Variants in DROSHA observed in about 807,000 individuals in gnomAD.
DROSHA encodes the protein ribonuclease 3.
Under a neutral mutation model 181.9 loss-of-function variants are expected in DROSHA, and 56 were observed. The observed-to-expected ratio is 0.31, with a 90% confidence interval of 0.25 to 0.38. DROSHA has a LOEUF of 0.38. Among genes scored for constraint, DROSHA ranks in the 10% least tolerant of loss-of-function variants. The probability of loss-of-function intolerance (pLI) is 1.00; values close to 1 mark genes in which losing one functional copy is unlikely to be tolerated. For missense variants in DROSHA, 1,218 were observed against 1,743.5 expected (o/e 0.70, Z 5.37); for synonymous variants, 524 against 591.2 (o/e 0.89, Z 1.65).
chr5:31,503,738 G>A (rs1280571628), intron 11 of DROSHA, among the ~76,000 whole-genome samples: 1 of 152,154 alleles, frequency 6.6e-6, no homozygotes, highest in Non-Finnish European at 1.5e-5. Context: ...CCAACCTGAG[G>A]CATGTGCACA....
At chr5:31,449,809 A>G (rs1048050552) in intron 21 of DROSHA, among the ~76,000 whole-genome samples, 1 of 152,298 alleles carries the variant, frequency 6.6e-6, no homozygotes, top group African/African-American at 2.4e-5. Flanking sequence ...GGAGCTGTCT[A>G]TCCAGTTGAA....
At chr5:31,418,633 G>A (rs1742264408) in intron 30 of DROSHA, among the ~76,000 whole-genome samples, 1 of 152,274 alleles carries the variant, frequency 6.6e-6, no homozygotes, top group Non-Finnish European at 1.5e-5. Flanking sequence ...AAGGCAGCTA[G>A]GGAGGATGTG....
chr5:31,437,342 A>G, intron 23 of DROSHA, 44 bp from the exon 24 acceptor site: 1 of 1,504,228 alleles, frequency 6.6e-7, no homozygotes, highest in Non-Finnish European at 9.0e-7. Flanking sequence ...GCATATTAAC[A>G]CTCCCCCCCA....
rs558851359 is a variant in DROSHA, at chr5:31,524,756, G to A, written c.854+1323C>T. 2.0e-5 allele frequency among the ~76,000 whole-genome samples: 3 copies of A among 152,234 alleles called. No homozygotes were observed. The South Asian group carries it at 6.2e-4, about 32-fold the overall frequency. ...AAGCCCAGCTAGAATCCCAGTTTTAGAAATGCCTCCTTGAAACATTATTTC... is the reference window on the plus strand; with the variant it reads ...AAGCCCAGCTAGAATCCCAGTTTTAAAAATGCCTCCTTGAAACATTATTTC... On this transcript the variant is annotated intron_variant, in intron 5 of 35. Transcript: ENST00000344624.
At chr5:31,406,065 GAAT>G (rs1561108628) in intron 34 of DROSHA, among the ~76,000 whole-genome samples, 2 of 150,780 alleles carry the variant, frequency 1.3e-5, no homozygotes, top group African/African-American at 4.9e-5. Context: ...AAGAGGAAAA[GAAT>G]AAAAAAAAAT....
intron 13 of DROSHA, among the ~76,000 whole-genome samples, chr5:31,490,864 G>A (rs1281247890): frequency 6.6e-6 from 1 of 151,982 alleles, no homozygotes; most frequent in Non-Finnish European, 1.5e-5. Flanking sequence ...ACAAATGATA[G>A]GGTTTGTCAT....
rs141220638 is a variant in DROSHA at position 31,452,481 on chromosome 5, CAT to C, written c.2575-843_2575-842del. On this transcript the variant is annotated intron_variant, in intron 20 of 35. Transcript: ENST00000344624. ...TATTGGGAGATAATTTCATGGAAGT[CAT>C]ATCTTTTTCTTTTCCTTAATACTAT... Among the ~76,000 whole-genome samples the C allele has an allele frequency of 4.0e-3, 608 of 152,228 alleles. 4 individuals carry two copies. The highest frequency in any genetic ancestry group is 0.014 in the African/African-American group (581 of 41,546).
At chr5:31,523,732 T>C (rs1214014483) in intron 5 of DROSHA, among the ~76,000 whole-genome samples, 2 of 152,054 alleles carry the variant, frequency 1.3e-5, no homozygotes, top group Non-Finnish European at 2.9e-5. Context: ...CCCAGCACTT[T>C]AGGAGGCTGA....
At chr5:31,463,810 A>G (rs1748700711) in intron 20 of DROSHA, among the ~76,000 whole-genome samples, 1 of 152,198 alleles carries the variant, frequency 6.6e-6, no homozygotes, top group South Asian at 2.1e-4. Flanking sequence ...TCTCTGCAAT[A>G]TAAATTGCAA....
intron 27 of DROSHA, among the ~76,000 whole-genome samples, chr5:31,427,847 G>T (rs181403093): frequency 1.3e-5 from 2 of 152,280 alleles, no homozygotes; most frequent in East Asian, 3.9e-4. Context: ...ACAACTAATA[G>T]GTGGAAACCA....
rs781442573 is a variant in DROSHA, at chr5:31,511,215, A to G, written c.1291-39T>C. 4.5e-6 allele frequency: 7 copies of G among 1,569,116 alleles called. No homozygotes were observed. In the African/African-American group the frequency reaches 8.1e-5, roughly 18 times the overall value. The stretch of plus-strand genomic sequence containing the variant: ...AGGATCAATATTAGGAACTATATCA[A>G]TAACGATCATATCAAAGATATGTAA... On this transcript the variant is annotated intron_variant, in intron 8 of 35. Transcript: ENST00000344624.
At chr5:31,446,070 A>G (rs926802844) in intron 23 of DROSHA, among the ~76,000 whole-genome samples, 2 of 152,248 alleles carry the variant, frequency 1.3e-5, no homozygotes, top group Non-Finnish European at 2.9e-5. Context: ...AGGAGCAACA[A>G]GGTTGGAGGT....
At chr5:31,463,211 C>T (rs1444079803) in intron 20 of DROSHA, among the ~76,000 whole-genome samples, 3 of 152,124 alleles carry the variant, frequency 2.0e-5, no homozygotes, top group East Asian at 1.9e-4. Context: ...TAGCTGGCTA[C>T]CACTGTAGAT....
chr5:31,517,657 A>T (rs1412925921), intron 6 of DROSHA, among the ~76,000 whole-genome samples: 1 of 152,192 alleles, frequency 6.6e-6, no homozygotes, highest in Admixed American at 6.5e-5. Context: ...AAATTATTAT[A>T]TATTTCCAGA....
Position 31,434,027 on chromosome 5 carries a change from G to A in DROSHA, c.3042+1738C>T, listed in dbSNP as rs548292549. Among the ~76,000 whole-genome samples the A allele has an allele frequency of 5.9e-5, 9 of 152,326 alleles. No homozygotes were observed. The South Asian group carries it at 1.9e-3, about 32-fold the overall frequency. ...GACTACTGGTCTATACAGAAGAAAG[G>A]TGGGACTGCCACAGCCTTCTGCTGC... On this transcript the variant is annotated intron_variant, in intron 25 of 35. Coordinates refer to ENST00000344624, the MANE Select transcript of DROSHA (RefSeq NM_001382508.1).
rs767289743 is a variant in DROSHA at position 31,409,235 on chromosome 5, T to A, written c.3750+15A>T. On this transcript the variant is annotated intron_variant, in intron 32 of 35. Coordinates refer to ENST00000344624, the MANE Select transcript of DROSHA (RefSeq NM_001382508.1). This position sits in a 1 kb window ranked among gnomAD's most constrained non-coding sequence, Gnocchi z 4.0. ...CATAAAGCAGACCACTAATTCAAAC[T>A]TTATATGAGCTTACTTTCAATCGTG... 1 of 1,601,044 alleles carries A rather than the reference T, an allele frequency of 6.2e-7. No individual in the cohort carries two copies. The highest frequency in any genetic ancestry group is 8.5e-7 in the Non-Finnish European group (1 of 1,173,270).
intron 19 of DROSHA, 142 bp from the exon 20 acceptor site, chr5:31,464,485 A>G (rs540239492): frequency 2.6e-6 from 2 of 766,780 alleles, no homozygotes; most frequent in East Asian, 2.7e-5. Context: ...CAAAATTACA[A>G]TATTTTCTTT....
intron 8 of DROSHA, among the ~76,000 whole-genome samples, chr5:31,513,141 G>A (rs1738879730): frequency 6.6e-6 from 1 of 152,220 alleles, no homozygotes; most frequent in South Asian, 2.1e-4. Flanking sequence ...GGAGTCAAGG[G>A]ATGAAAGGAG....
Position 31,410,803 on chromosome 5 carries a change from C to T in DROSHA, c.3610G>A (p.Asp1204Asn). 1 of 1,613,994 alleles carries T rather than the reference C, an allele frequency of 6.2e-7. No homozygotes were observed. Among genetic ancestry groups the T allele is most frequent in the Non-Finnish European group, 8.5e-7 (1 of 1,179,848 alleles). The stretch of plus-strand genomic sequence containing the variant: ...AGCGCCACAGGCCTCTTGGTCTTGT[C>T]GTTGGTTATGGCGTACTCCTGCATG... ...LGMQEYAITN[D>N]KTKRPVALRT... Residue 1204 changes from aspartate (D) to asparagine (N), a missense_variant, in exon 31 of 36, where the codon GAC becomes AAC. This residue lies in a region of DROSHA where 47 missense variants were observed against 70.6 expected (regional missense o/e 0.67). Transcript: ENST00000344624.
Sources: allele counts gnomAD v4.1 joint callset (sites outside exome capture counted in the v4.1 genomes callset), GRCh38; gene constraint gnomAD v4.1.1; regional missense constraint gnomAD v4.1.1; non-coding constraint Gnocchi (gnomAD v3.1); transcripts MANE v1.5; gene names NCBI Gene and HGNC (gene_info 2026-07-23, HGNC 2026-07-21).